The following COLEC10 variants were observed in gnomAD, a reference collection of about 807,000 sequenced individuals.
The protein encoded by COLEC10 is collectin subfamily member 10, also known as collectin-10.
COLEC10 carries 22 observed loss-of-function variants against 28.4 expected under a neutral mutation model. The ratio of observed to expected loss-of-function variants is 0.78; its 90% confidence interval spans 0.55 to 1.11. The LOEUF (loss-of-function observed/expected upper bound fraction) is 1.11, where lower values mean the gene tolerates loss of function less well. Among genes scored for constraint, COLEC10 ranks in the 50% least tolerant of loss-of-function variants. COLEC10 has a pLI of 0.00. For synonymous variants in COLEC10, 125 were observed against 116.1 expected (o/e 1.08, Z -0.49); for missense variants, 361 against 344.1 (o/e 1.05, Z -0.39).
At chr8:118,967,071 T>G in the COLEC10 span, among the ~76,000 whole-genome samples, 2 of 152,276 alleles carry the variant, frequency 1.3e-5, no homozygotes, top group East Asian at 3.9e-4. Context: ...CTTCTTTCAG[T>G]ATTTATTAAG....
intron 2 of COLEC10, among the ~76,000 whole-genome samples, chr8:119,029,907 A>C (rs1814257523): frequency 1.3e-5 from 2 of 152,222 alleles, no homozygotes; most frequent in Non-Finnish European, 2.9e-5. Flanking sequence ...GCATGGGTTG[A>C]CCAGGAAGCC....
chr8:119,045,031 T>C (rs1189237701), intron 2 of COLEC10, among the ~76,000 whole-genome samples: 1 of 152,234 alleles, frequency 6.6e-6, no homozygotes, highest in East Asian at 1.9e-4. Flanking sequence ...TTCTTATTAA[T>C]AAATTTCCAC....
intron 2 of COLEC10, among the ~76,000 whole-genome samples, chr8:119,022,148 A>G (rs10091277): frequency 0.53 from 80,759 of 152,008 alleles, 21,713 homozygotes; most frequent in Middle Eastern, 0.66. Context: ...TGTAACTGTC[A>G]GGACTGTTAT....
chr8:118,973,176 T>C, the COLEC10 span, among the ~76,000 whole-genome samples: 1 of 152,022 alleles, frequency 6.6e-6, no homozygotes. Context: ...TTGAGCTTCC[T>C]AACTGTTCTC....
At chr8:118,961,799 T>A in the COLEC10 span, among the ~76,000 whole-genome samples, 1 of 152,322 alleles carries the variant, frequency 6.6e-6, no homozygotes, top group South Asian at 2.1e-4. Context: ...TCAAGGAAGG[T>A]TATTTTTGCT....
intron 1 of COLEC10, among the ~76,000 whole-genome samples, chr8:119,002,660 T>G (rs1813723028): frequency 6.6e-6 from 1 of 152,260 alleles, no homozygotes; most frequent in South Asian, 2.1e-4. Flanking sequence ...AATGACTAAA[T>G]GCCTTCTAGC....
chr8:119,037,178 T>C (rs987823295), intron 2 of COLEC10, among the ~76,000 whole-genome samples: 1 of 152,196 alleles, frequency 6.6e-6, no homozygotes, highest in Non-Finnish European at 1.5e-5. Context: ...ACAATCTTCA[T>C]ACATCTCTAA....
chr8:119,042,198 A>G (rs185868553), intron 2 of COLEC10, among the ~76,000 whole-genome samples: 110 of 150,724 alleles, frequency 7.3e-4, no homozygotes, highest in African/African-American at 2.4e-3. Context: ...GGGTTTCACC[A>G]TGTTGGCCAG....
chr8:118,986,208 T>A, the COLEC10 span, among the ~76,000 whole-genome samples: 2 of 152,150 alleles, frequency 1.3e-5, no homozygotes, highest in South Asian at 4.1e-4. Flanking sequence ...TAACAAAAGT[T>A]TATAACTAGT....
the COLEC10 span, among the ~76,000 whole-genome samples, chr8:118,984,638 A>C: frequency 1.3e-5 from 2 of 152,144 alleles, no homozygotes; most frequent in African/African-American, 2.4e-5. Context: ...CCGTGTGATG[A>C]TAGAGGCAGA....
In COLEC10 at chr8:119,105,770, G is replaced by T. The variant is rs202199030; in HGVS notation, c.443-30G>T. ...GTTGCCTTTTATCTTTTTGAGATAC[G>T]TAATGATACTCCTTTTTCTCTCCCT... On this transcript the variant is annotated intron_variant, in intron 5 of 5. Transcript: ENST00000332843. 3.3e-5 allele frequency: 52 copies of T among 1,567,896 alleles called. No individual in the cohort carries two copies. The South Asian group carries it at 5.3e-4, about 16-fold the overall frequency.
At chr8:119,041,646 T>C (rs1814495899) in intron 2 of COLEC10, among the ~76,000 whole-genome samples, 1 of 152,170 alleles carries the variant, frequency 6.6e-6, no homozygotes, top group Non-Finnish European at 1.5e-5. Context: ...GATTAAATTA[T>C]TTAATATGCC....
intron 1 of COLEC10, among the ~76,000 whole-genome samples, chr8:119,076,067 ATTTT>A (rs11330366): frequency 4.4e-5 from 4 of 90,084 alleles, no homozygotes; most frequent in Non-Finnish European, 8.4e-5. Context: ...CGCCCGGCTA[ATTTT>A]TTTTTTTTTT....
intron 2 of COLEC10, among the ~76,000 whole-genome samples, chr8:119,024,714 A>G (rs4307369): frequency 0.66 from 100,329 of 151,966 alleles, 34,563 homozygotes; most frequent in African/African-American, 0.86. Flanking sequence ...CCCAAGAGGA[A>G]GTGCCATATT....
At chr8:118,992,911 T>C (rs1454190771), upstream of COLEC10, among the ~76,000 whole-genome samples, 1 of 152,220 alleles carries the variant, frequency 6.6e-6, no homozygotes, top group Non-Finnish European at 1.5e-5. Context: ...AGTATTATCA[T>C]TATGAACCTT....
chr8:118,957,254 C>G, the COLEC10 span, among the ~76,000 whole-genome samples: 1 of 152,198 alleles, frequency 6.6e-6, no homozygotes, highest in Admixed American at 6.5e-5. Context: ...TACAGTCAAG[C>G]TGGAGAGAAA....
chr8:119,078,083 C>T (rs1301104175), intron 1 of COLEC10, among the ~76,000 whole-genome samples: 1 of 152,316 alleles, frequency 6.6e-6, no homozygotes, highest in Non-Finnish European at 1.5e-5. Context: ...ACAAGAGGAG[C>T]ACCAAGTCAT....
intron 4 of COLEC10, among the ~76,000 whole-genome samples, chr8:119,103,217 A>G (rs541540765): frequency 2.3e-4 from 35 of 152,316 alleles, no homozygotes; most frequent in Admixed American, 2.2e-3. Flanking sequence ...ACACATTAAA[A>G]TCATAGTTAA....
At chr8:119,093,897 A>G (rs1815659832) in intron 3 of COLEC10, among the ~76,000 whole-genome samples, 1 of 152,210 alleles carries the variant, frequency 6.6e-6, no homozygotes, top group African/African-American at 2.4e-5. Context: ...CTCCTGCTCC[A>G]GTTTCCCTCA....
Sources: gnomAD v4.1 joint callset for allele counts (sites outside exome capture counted in the v4.1 genomes callset) on GRCh38, gnomAD v4.1.1 for gene constraint, MANE v1.5 for transcripts, NCBI Gene and HGNC (gene_info 2026-07-23, HGNC 2026-07-21) for gene names.